The following DACT2 variants were observed in gnomAD, a reference collection of about 807,000 sequenced individuals.
DACT2 encodes the protein dishevelled binding antagonist of beta catenin 2.
DACT2 carries 20 observed loss-of-function variants against 22.2 expected under a neutral mutation model. That is an observed-to-expected ratio of 0.90 (90% confidence interval 0.63 to 1.31). The LOEUF (loss-of-function observed/expected upper bound fraction) is 1.31. Among genes scored for constraint, DACT2 ranks in the 50% most tolerant of loss-of-function variants. The probability of loss-of-function intolerance (pLI) is 0.00; values close to 1 mark genes in which losing one functional copy is unlikely to be tolerated. For missense variants in DACT2, 1,048 were observed against 1,061.4 expected, an observed-to-expected ratio of 0.99 and a Z score of 0.18; for synonymous variants, 463 against 479.8, an observed-to-expected ratio of 0.96 and a Z score of 0.46.
chr6:168,312,669 T>TA (rs1449722386), intron 1 of DACT2, among the ~76,000 whole-genome samples: 1 of 152,180 alleles, frequency 6.6e-6, no homozygotes, highest in African/African-American at 2.4e-5. Context: ...ACAACTACGA[T>TA]TAAGGCAAAT....
intron 3 of DACT2, among the ~76,000 whole-genome samples, chr6:168,309,699 CA>C (rs1779345511): frequency 6.6e-6 from 1 of 152,210 alleles, no homozygotes; most frequent in Non-Finnish European, 1.5e-5. Context: ...AAGAAAAGAC[CA>C]AATGGTTATT....
intron 5 of DACT2, chr6:168,294,090 A>C (rs1444773091): frequency 2.8e-6 from 2 of 703,042 alleles, no homozygotes; most frequent in Non-Finnish European, 5.2e-6. Flanking sequence ...GCAGTTGTGC[A>C]GCTAGACCCG....
At chr6:168,319,042 A>G (rs760141099) in intron 1 of DACT2, among the ~76,000 whole-genome samples, 4 of 152,134 alleles carry the variant, frequency 2.6e-5, no homozygotes, top group Non-Finnish European at 5.9e-5. Flanking sequence ...CAGTGCCTGC[A>G]GGTCAGATCA....
chr6:168,297,330 C>T (rs1779024941), intron 3 of DACT2, among the ~76,000 whole-genome samples: 1 of 152,180 alleles, frequency 6.6e-6, no homozygotes, highest in Admixed American at 6.5e-5. Context: ...AGAGGGGAAA[C>T]TATCCCCAAT....
intron 1 of DACT2, among the ~76,000 whole-genome samples, chr6:168,312,787 T>C (rs1021390167): frequency 2.0e-5 from 3 of 152,232 alleles, no homozygotes; most frequent in South Asian, 2.1e-4. Flanking sequence ...AACCTAGGCC[T>C]CAGGGAATTA....
At chr6:168,300,030 G>A (rs1208351991) in intron 3 of DACT2, 1 of 152,324 alleles carries the variant, frequency 6.6e-6, no homozygotes, top group Non-Finnish European at 1.5e-5. Context: ...TTTGGCTGCA[G>A]GACCCGGTGG....
intron 1 of DACT2, among the ~76,000 whole-genome samples, chr6:168,318,825 G>A (rs1412996597): frequency 1.3e-5 from 2 of 152,098 alleles, no homozygotes; most frequent in Non-Finnish European, 2.9e-5. Flanking sequence ...AAGTTGAAGA[G>A]GCCTTTGTCA....
rs1779227246 is a variant in DACT2, at chr6:168,307,146, C to A, written c.*286G>T. On this transcript the variant is annotated 3_prime_UTR_variant, in exon 4 of 4. Coordinates refer to ENST00000366795, the MANE Select transcript of DACT2 (RefSeq NM_214462.5). This position sits in a 1 kb window ranked among gnomAD's most constrained non-coding sequence, Gnocchi z 5.3. ...AGGATGACAACATGGAAACAAGGTG[C>A]ATGCCGGGAAGCAGCATCCTGGGCA... 2 of 1,236,916 alleles carry A rather than the reference C, an allele frequency of 1.6e-6. No homozygotes were observed. The highest frequency in any genetic ancestry group is 1.0e-6 in the Non-Finnish European group (1 of 986,284). 76.6% of individuals were successfully genotyped at this position (1,236,916 alleles called of 1,614,324 possible). A position where few individuals can be genotyped will look rare whatever the true frequency, so the allele number is the denominator to read the frequency against.
chr6:168,296,163 G>A lies in DACT2; in HGVS notation c.659-1459C>T, dbSNP rs6928252. On this transcript the variant is annotated intron_variant, in intron 3 of 5. Coordinates refer to the DACT2 transcript ENST00000366796. ...TGGAGGTCATGGAGGACAGACACCCGGAATCACGGAAAGAGCAGATCCATC... is the reference window on the plus strand; with the variant it reads ...TGGAGGTCATGGAGGACAGACACCCAGAATCACGGAAAGAGCAGATCCATC... Among the ~76,000 whole-genome samples the A allele has an allele frequency of 4.1e-4, 58 of 141,652 alleles. 5 individuals carry two copies. Among genetic ancestry groups the A allele is most frequent in the African/African-American group, 1.4e-3 (47 of 34,416 alleles). 92.9% of individuals were successfully genotyped at this position (141,652 alleles called of 152,430 possible).
At chr6:168,305,035 TG>T (rs1779176692), downstream of DACT2, among the ~76,000 whole-genome samples, 1 of 151,278 alleles carries the variant, frequency 6.6e-6, no homozygotes, top group Admixed American at 6.6e-5. Context: ...ACAGTTAAAA[TG>T]GGGGAGAAAG....
downstream of DACT2, among the ~76,000 whole-genome samples, chr6:168,305,552 A>G (rs1779187254): frequency 6.6e-6 from 1 of 152,124 alleles, no homozygotes; most frequent in African/African-American, 2.4e-5. Context: ...GAAAAGCACC[A>G]ATGAGTGAGC....
At chr6:168,300,486 G>A (rs978794665) in intron 3 of DACT2, 6 of 152,330 alleles carry the variant, frequency 3.9e-5, no homozygotes, top group African/African-American at 1.2e-4. Flanking sequence ...GAGGGGTGGC[G>A]ATGGAGGAGA....
At chr6:168,309,474 T>TAGACACAGGGTGCGGGGCCG (rs1260903615) in intron 3 of DACT2, among the ~76,000 whole-genome samples, 2 of 152,218 alleles carry the variant, frequency 1.3e-5, no homozygotes, top group African/African-American at 4.8e-5. Context: ...CGGGGCCCTA[T>TAGACACAGGGTGCGGGGCCG]TTGCGCCTGC....
rs893902173 is a variant in DACT2 at position 168,308,519 on chromosome 6, C to G, written c.1238G>C (p.Gly413Ala). The G allele has an allele frequency of 6.4e-7, 1 of 1,551,134 alleles. No homozygotes were observed. The highest frequency in any genetic ancestry group is 1.4e-5 in the African/African-American group (1 of 72,968). Residue 413 changes from glycine to alanine, a missense_variant, in exon 4 of 4, where the codon GGT becomes GCT. By Grantham distance (60) the Gly-to-Ala change is moderately conservative. Coordinates refer to ENST00000366795, the MANE Select transcript of DACT2 (RefSeq NM_214462.5). ...PQQQGYMPLEGPQQSGSLPEE... is the reference protein window; with the variant it reads ...PQQQGYMPLEAPQQSGSLPEE... The stretch of plus-strand genomic sequence containing the variant: ...TGGAAGGCTGCCAGACTGCTGGGGA[C>G]CCTCAAGGGGCATGTATCCCTGCTG...
chr6:168,305,646 C>T (rs1338808689), downstream of DACT2, among the ~76,000 whole-genome samples: 1 of 152,208 alleles, frequency 6.6e-6, no homozygotes, highest in African/African-American at 2.4e-5. Context: ...GCTGCGCCCA[C>T]AGTCCTCAGT....
downstream of DACT2, among the ~76,000 whole-genome samples, chr6:168,305,386 C>T (rs1283170451): frequency 2.0e-5 from 3 of 152,154 alleles, no homozygotes; most frequent in Admixed American, 2.0e-4. Context: ...CTGAGGAGCC[C>T]AGACCCACTG....
At chr6:168,310,089 G>T (rs1779355119) in intron 3 of DACT2, 79 bp downstream of exon 3, 2 of 1,516,806 alleles carry the variant, frequency 1.3e-6, no homozygotes, top group South Asian at 2.5e-5. Flanking sequence ...CCCCGGCTCT[G>T]CCCTCAGCAG....
chr6:168,314,023 C>CCCGA (rs968161478), intron 1 of DACT2, among the ~76,000 whole-genome samples: 6 of 152,058 alleles, frequency 3.9e-5, no homozygotes, highest in Non-Finnish European at 5.9e-5. Flanking sequence ...CGCTTGTAAC[C>CCCGA]CCGACCGCTG....
chr6:168,307,334 G>A lies in DACT2; in HGVS notation c.*98C>T, dbSNP rs546503764. The A allele has an allele frequency of 2.7e-5, 41 of 1,496,360 alleles. No individual in the cohort carries two copies. In the East Asian group the frequency reaches 4.9e-4, roughly 18 times the overall value. 92.7% of individuals were successfully genotyped at this position (1,496,360 alleles called of 1,614,324 possible). On this transcript the variant is annotated 3_prime_UTR_variant, in exon 4 of 4. Coordinates refer to ENST00000366795, the MANE Select transcript of DACT2 (RefSeq NM_214462.5). The surrounding 1 kb of genome is among the most constrained non-coding windows in gnomAD (Gnocchi z 5.3). The stretch of plus-strand genomic sequence containing the variant: ...AAACGGTGGCCTCGGAAGATAAAGC[G>A]ACTTGGCAAGACGACACTGAAACCC...
Sources: gnomAD v4.1 joint callset for allele counts (sites outside exome capture counted in the v4.1 genomes callset) on GRCh38, gnomAD v4.1.1 for gene constraint, Gnocchi (gnomAD v3.1) non-coding constraint, MANE v1.5 for transcripts, NCBI Gene and HGNC (gene_info 2026-07-23, HGNC 2026-07-21) for gene names.